Variants in NR6A1 observed in about 807,000 individuals in gnomAD.
NR6A1 encodes the protein retinoic acid receptor-related testis-associated receptor.
A neutral mutation model predicts 59.1 loss-of-function variants in NR6A1; 7 were observed. The observed-to-expected ratio is 0.12, with a 90% CI of 0.07 to 0.22. The LOEUF is 0.22. Among genes scored for constraint, NR6A1 ranks in the 10% least tolerant of loss-of-function variants. The pLI is 1.00. For missense variants in NR6A1, 468 were observed against 611.6 expected (o/e 0.77, Z 2.48); for synonymous variants, 243 against 236.1 (o/e 1.03, Z -0.27).
intron 2 of NR6A1, among the ~76,000 whole-genome samples, chr9:124,704,585 A>G (rs1182576070): frequency 1.3e-5 from 2 of 152,182 alleles, no homozygotes; most frequent in African/African-American, 4.8e-5. Flanking sequence ...TTTGTGTTTT[A>G]TCTAGTTTCT....
chr9:124,667,188 C>T (rs1009672968), intron 2 of NR6A1, among the ~76,000 whole-genome samples: 5 of 151,894 alleles, frequency 3.3e-5, no homozygotes, highest in African/African-American at 4.8e-5. Context: ...GCACCCGCCA[C>T]GCCTGGCTAA....
intron 1 of NR6A1, among the ~76,000 whole-genome samples, chr9:124,759,984 G>A (rs1840741816): frequency 1.3e-5 from 2 of 151,298 alleles, no homozygotes. Flanking sequence ...AGGTTGCACT[G>A]AGCCAAGATC....
Position 124,568,710 on chromosome 9 carries a change from T to C in NR6A1, c.143-14140A>G, listed in dbSNP as rs997822118. On this transcript the variant is annotated intron_variant, in intron 2 of 9. Coordinates refer to ENST00000487099, the MANE Select transcript of NR6A1 (RefSeq NM_033334.4). ...ACCCAAGGACACAGCAAATCAGTGA[T>C]GGAACTGAGTTTTAACCTTATTACT... 2.0e-5 allele frequency among the ~76,000 whole-genome samples: 3 copies of C among 151,868 alleles called. 1 individual carries two copies. Among genetic ancestry groups the C allele is most frequent in the African/African-American group, 7.3e-5 (3 of 41,120 alleles).
At chr9:124,764,570 T>C (rs1320543834) in intron 1 of NR6A1, among the ~76,000 whole-genome samples, 1 of 152,212 alleles carries the variant, frequency 6.6e-6, no homozygotes, top group Admixed American at 6.5e-5. Context: ...ATGAAGAATT[T>C]AGTTGTGCAT....
intron 1 of NR6A1, among the ~76,000 whole-genome samples, chr9:124,759,186 A>G (rs1464365583): frequency 6.6e-6 from 1 of 152,222 alleles, no homozygotes; most frequent in Non-Finnish European, 1.5e-5. Context: ...TATTTTATAA[A>G]TTTTGGACAC....
chr9:124,626,926 C>T (rs1433303292), intron 2 of NR6A1, among the ~76,000 whole-genome samples: 1 of 152,014 alleles, frequency 6.6e-6, no homozygotes, highest in Non-Finnish European at 1.5e-5. Flanking sequence ...GAGTGAGACT[C>T]CATCTCAAAA....
chr9:124,637,892 C>CAA (rs796714741), intron 2 of NR6A1, among the ~76,000 whole-genome samples: 1,937 of 78,686 alleles, frequency 0.025, 34 homozygotes, highest in Non-Finnish European at 0.037. Flanking sequence ...ACTCCCTCTC[C>CAA]AAAAAAAAAA....
chr9:124,676,993 T>C (rs1425272546), intron 2 of NR6A1, among the ~76,000 whole-genome samples: 1 of 152,202 alleles, frequency 6.6e-6, no homozygotes, highest in East Asian at 1.9e-4. Flanking sequence ...AAAACTGCGT[T>C]TGTCCCTTTC....
chr9:124,771,084 T>C lies in NR6A1; in HGVS notation c.36A>G (p.Gly12=), dbSNP rs2131223239. Residue 12 remains glycine (G), a synonymous_variant, in exon 1 of 10, where the codon GGA becomes GGG. Coordinates refer to ENST00000487099, the MANE Select transcript of NR6A1 (RefSeq NM_033334.4). ...GGAACCCCGCCGAGCCCCCGCCGCC[T>C]CCCCCTCCGCTAGGCGGCGGTTCGT... The part of the protein sequence containing the change: ...ERDEPPPSGG[G]GGGGSAGFLE... 2 of 1,229,578 alleles carry C rather than the reference T, an allele frequency of 1.6e-6. No individual in the cohort carries two copies. Among genetic ancestry groups the C allele is most frequent in the Non-Finnish European group, 1.0e-6 (1 of 986,514 alleles). The allele number at this position is 1,229,578 out of a possible 1,614,324, so 76.2% of individuals were successfully genotyped here. A position where few individuals can be genotyped will look rare whatever the true frequency, so the allele number is the denominator to read the frequency against.
chr9:124,605,252 C>T (rs1835546374), intron 2 of NR6A1, among the ~76,000 whole-genome samples: 1 of 152,138 alleles, frequency 6.6e-6, no homozygotes, highest in Non-Finnish European at 1.5e-5. Context: ...TTCAGCAAGA[C>T]AAACCACCAA....
intron 2 of NR6A1, chr9:124,692,552 C>T (rs750973765): frequency 3.9e-6 from 2 of 512,622 alleles, no homozygotes. Context: ...GGGGTCCTTA[C>T]AGACGACACT....
intron 2 of NR6A1, among the ~76,000 whole-genome samples, chr9:124,561,298 G>A (rs1834077873): frequency 6.6e-6 from 1 of 151,918 alleles, no homozygotes; most frequent in East Asian, 1.9e-4. Context: ...TTAGCCAGAC[G>A]TGGTGGTGCG....
intron 2 of NR6A1, among the ~76,000 whole-genome samples, chr9:124,659,301 G>C: frequency 6.6e-6 from 1 of 152,254 alleles, no homozygotes; most frequent in South Asian, 2.1e-4. Flanking sequence ...GGGCGGGTAG[G>C]GACATGGATG....
At chr9:124,731,512 T>A (rs575484772) in intron 2 of NR6A1, among the ~76,000 whole-genome samples, 15 of 151,266 alleles carry the variant, frequency 9.9e-5, no homozygotes, top group African/African-American at 3.7e-4. Flanking sequence ...CAGGTCCACT[T>A]CTACGCAGAC....
At chr9:124,685,488 C>T (rs1013169431) in intron 2 of NR6A1, among the ~76,000 whole-genome samples, 4 of 152,272 alleles carry the variant, frequency 2.6e-5, no homozygotes, top group South Asian at 4.1e-4. Flanking sequence ...ATCACAATGC[C>T]GGGCTAATTT....
At chr9:124,582,972 C>A (rs772072958) in intron 2 of NR6A1, among the ~76,000 whole-genome samples, 1 of 152,138 alleles carries the variant, frequency 6.6e-6, no homozygotes, top group Non-Finnish European at 1.5e-5. Flanking sequence ...CGCCCTTCCC[C>A]CCCAAAGCAC....
intron 2 of NR6A1, among the ~76,000 whole-genome samples, chr9:124,670,901 A>C (rs1008666173): frequency 1.1e-4 from 17 of 152,218 alleles, no homozygotes; most frequent in African/African-American, 4.1e-4. Flanking sequence ...CGTTGCAGTT[A>C]TTCAGATGAA....
In NR6A1 at chr9:124,581,189, C is replaced by A. The variant is rs527705818; in HGVS notation, c.143-26619G>T. Among the ~76,000 whole-genome samples, 20 of 152,246 alleles carry A rather than the reference C, an allele frequency of 1.3e-4. No homozygotes were observed. In the East Asian group the frequency reaches 3.7e-3, roughly 28 times the overall value. On this transcript the variant is annotated intron_variant, in intron 2 of 9. Coordinates refer to ENST00000487099, the MANE Select transcript of NR6A1 (RefSeq NM_033334.4). ...GAAAACCTAGGCAATACCATCAGTA[C>A]ATGGGAAGAGGCAAAGATTTCATGA... is the stretch of plus-strand genomic sequence containing the variant.
intron 2 of NR6A1, among the ~76,000 whole-genome samples, chr9:124,563,565 A>G (rs1834141639): frequency 6.6e-6 from 1 of 152,226 alleles, no homozygotes; most frequent in African/African-American, 2.4e-5. Context: ...CAAGATGCTA[A>G]GAACATGTAC....
Sources: allele counts gnomAD v4.1 joint callset (sites outside exome capture counted in the v4.1 genomes callset), GRCh38; gene constraint gnomAD v4.1.1; transcripts MANE v1.5; gene names NCBI Gene and HGNC (gene_info 2026-07-23, HGNC 2026-07-21).